The following RNF216 variants were observed in gnomAD, a reference collection of about 807,000 sequenced individuals.
RNF216 encodes the protein ring finger protein 216, also known as E3 ubiquitin-protein ligase RNF216.
Under a neutral mutation model 110.8 loss-of-function variants are expected in RNF216, and 72 were observed. The ratio of observed to expected loss-of-function variants is 0.65; its 90% confidence interval spans 0.54 to 0.79. RNF216 has a LOEUF of 0.79. Ranked by LOEUF, RNF216 falls within the 30% of genes least tolerant of loss-of-function variation. The pLI is 0.00. For missense variants in RNF216, 1,342 were observed against 1,141.2 expected, an observed-to-expected ratio of 1.18 and a Z score of -2.54; for synonymous variants, 495 against 407.5, an observed-to-expected ratio of 1.21 and a Z score of -2.59.
At chr7:5,676,890 G>A (rs1790333418) in intron 13 of RNF216, among the ~76,000 whole-genome samples, 1 of 152,170 alleles carries the variant, frequency 6.6e-6, no homozygotes, top group Non-Finnish European at 1.5e-5. Context: ...GCATCCAGCT[G>A]GGGCACTTCA....
In RNF216 at chr7:5,724,009, G is replaced by C. The variant is rs147818992; in HGVS notation, c.1504+1315C>G. Among the ~76,000 whole-genome samples, 5 of 152,282 alleles carry C rather than the reference G, an allele frequency of 3.3e-5. No individual in the cohort carries two copies. In the East Asian group the frequency reaches 7.7e-4, roughly 23 times the overall value. On this transcript the variant is annotated intron_variant, in intron 8 of 16. Transcript: ENST00000389902. ...TTAAAGAATCAGCACCTAAATTAAA[G>C]TGCTATACCTAAAACAAGAAACTGA...
chr7:5,738,087 CAAAAAAAAAAAAAAA>C (rs200643372), intron 5 of RNF216, among the ~76,000 whole-genome samples: 3 of 110,962 alleles, frequency 2.7e-5, no homozygotes, highest in East Asian at 4.8e-4. Context: ...AGACTGTCTC[CAAAAAAAAAAAAAAA>C]AAAAAAAAAA....
At chr7:5,752,414 G>A (rs1320784360) in intron 3 of RNF216, among the ~76,000 whole-genome samples, 1 of 152,028 alleles carries the variant, frequency 6.6e-6, no homozygotes, top group East Asian at 1.9e-4. Context: ...AAATATAACA[G>A]GAAGATTTGT....
chr7:5,674,312 G>A (rs1355917449), intron 13 of RNF216, among the ~76,000 whole-genome samples: 1 of 152,014 alleles, frequency 6.6e-6, no homozygotes, highest in East Asian at 1.9e-4. Context: ...ACAAGCGTAA[G>A]CCACTGTGCC....
At chr7:5,776,139 G>A (rs1352169774) in intron 1 of RNF216, among the ~76,000 whole-genome samples, 1 of 152,106 alleles carries the variant, frequency 6.6e-6, no homozygotes, top group Non-Finnish European at 1.5e-5. Context: ...TGAAAGCTGT[G>A]GATATGGAGA....
chr7:5,633,558 G>C (rs1434447549), intron 15 of RNF216, among the ~76,000 whole-genome samples: 2 of 152,154 alleles, frequency 1.3e-5, no homozygotes, highest in Admixed American at 1.3e-4. Context: ...CTGGGCGACA[G>C]AGGGAGACTC....
intron 13 of RNF216, among the ~76,000 whole-genome samples, chr7:5,654,843 G>GAT (rs1788632750): frequency 6.6e-6 from 1 of 151,944 alleles, no homozygotes; most frequent in Non-Finnish European, 1.5e-5. Context: ...AAACAAAGGT[G>GAT]ATATATATTA....
At chr7:5,702,303 C>T (rs900498937) in intron 13 of RNF216, among the ~76,000 whole-genome samples, 2 of 152,168 alleles carry the variant, frequency 1.3e-5, no homozygotes, top group Non-Finnish European at 2.9e-5. Context: ...GCAGGTGCTT[C>T]TACCATTAGC....
chr7:5,679,308 G>A (rs559974450), intron 13 of RNF216, among the ~76,000 whole-genome samples: 72 of 152,334 alleles, frequency 4.7e-4, no homozygotes, highest in Non-Finnish European at 9.1e-4. Context: ...TGGACTAAGG[G>A]CCTGTTTGTC....
chr7:5,757,104 T>A (rs1048366822), intron 2 of RNF216, among the ~76,000 whole-genome samples: 1 of 152,248 alleles, frequency 6.6e-6, no homozygotes, highest in African/African-American at 2.4e-5. Flanking sequence ...GAATCCCACC[T>A]ATGTTTATTA....
intron 13 of RNF216, among the ~76,000 whole-genome samples, chr7:5,666,000 C>T (rs1489910970): frequency 6.6e-6 from 1 of 151,948 alleles, no homozygotes; most frequent in Non-Finnish European, 1.5e-5. Context: ...CCCGTTTCTA[C>T]TAAAAATACA....
intron 8 of RNF216, among the ~76,000 whole-genome samples, chr7:5,721,943 G>C (rs539720007): frequency 6.6e-6 from 1 of 152,202 alleles, no homozygotes; most frequent in East Asian, 1.9e-4. Flanking sequence ...TCTTTTTGGA[G>C]ACAGAGCCTT....
intron 12 of RNF216, among the ~76,000 whole-genome samples, 169 bp downstream of exon 12, chr7:5,712,546 C>T (rs1173198076): frequency 4.6e-5 from 7 of 151,324 alleles, no homozygotes; most frequent in Admixed American, 1.3e-4. Context: ...GGTTCTGAGG[C>T]GTAAAAAATA....
In RNF216 at chr7:5,705,624, G is replaced by A. The variant is rs187907176; in HGVS notation, c.2061+6137C>T. ...CCATATGCCCTTTAAAAAAAACTGC[G>A]GTAGGCTGGGCACGGTGGCTCACCC... On this transcript the variant is annotated intron_variant, in intron 13 of 16. Transcript: ENST00000389902. Among the ~76,000 whole-genome samples the A allele has an allele frequency of 1.5e-3, 232 of 152,110 alleles. 2 individuals carry two copies. The highest frequency in any genetic ancestry group is 5.3e-3 in the African/African-American group (219 of 41,530).
intron 13 of RNF216, among the ~76,000 whole-genome samples, chr7:5,698,694 C>T (rs1309264637): frequency 1.3e-5 from 2 of 152,162 alleles, no homozygotes. Flanking sequence ...GCTCCGGCCT[C>T]TTGGATTCTT....
Position 5,680,813 on chromosome 7 carries a change from G to C in RNF216, c.2062-28303C>G, listed in dbSNP as rs1790606338. On this transcript the variant is annotated intron_variant, in intron 13 of 16. Coordinates refer to ENST00000389902, the MANE Select transcript of RNF216 (RefSeq NM_207111.4). This position sits in a 1 kb window ranked among gnomAD's most constrained non-coding sequence, Gnocchi z 4.3. ...CCCTGAAGGACACAGCCACCCACTG[G>C]CTGCTCATGCAACAAAACCCAATTC... Among the ~76,000 whole-genome samples the C allele has an allele frequency of 1.3e-5, 2 of 152,098 alleles. No homozygotes were observed. Among genetic ancestry groups the C allele is most frequent in the South Asian group, 4.1e-4 (2 of 4,824 alleles).
At chr7:5,670,214 G>A (rs1211106974) in intron 13 of RNF216, among the ~76,000 whole-genome samples, 2 of 152,084 alleles carry the variant, frequency 1.3e-5, no homozygotes, top group South Asian at 2.1e-4. Context: ...AATTACAGGC[G>A]TGAGCTACCG....
intron 1 of RNF216, among the ~76,000 whole-genome samples, chr7:5,770,592 C>A (rs750574414): frequency 6.6e-6 from 1 of 151,480 alleles, no homozygotes; most frequent in Non-Finnish European, 1.5e-5. Context: ...AGATTTAATA[C>A]AACCTTTATC....
At chr7:5,736,075 A>G (rs537872052) in intron 5 of RNF216, among the ~76,000 whole-genome samples, 1 of 152,094 alleles carries the variant, frequency 6.6e-6, no homozygotes, top group African/African-American at 2.4e-5. Flanking sequence ...CCTAGGTGAC[A>G]GAGTGAGACT....
Sources: gnomAD v4.1 joint callset for allele counts (sites outside exome capture counted in the v4.1 genomes callset) on GRCh38, gnomAD v4.1.1 for gene constraint, Gnocchi (gnomAD v3.1) non-coding constraint, MANE v1.5 for transcripts, NCBI Gene and HGNC (gene_info 2026-07-23, HGNC 2026-07-21) for gene names.